Variants in GPC3 observed in about 807,000 individuals in gnomAD.
GPC3 encodes glypican-3.
Under a neutral mutation model 34.4 loss-of-function variants are expected in GPC3, and 3 were observed. That is an observed-to-expected ratio of 0.09 (90% CI 0.04 to 0.23). GPC3 has a LOEUF of 0.23. GPC3 is among the 10% of genes least tolerant of loss of function. The probability of loss-of-function intolerance (pLI) is 1.00; values close to 1 mark genes in which losing one functional copy is unlikely to be tolerated. For missense variants in GPC3, 351 were observed against 445.6 expected, an observed-to-expected ratio of 0.79 and a Z score of 1.91; for synonymous variants, 177 against 174.0, an observed-to-expected ratio of 1.02 and a Z score of -0.13.
intron 7 of GPC3, among the ~76,000 whole-genome samples, chrX:133,549,700 T>TC (rs1447152155): frequency 1.2e-5 from 1 of 80,469 alleles, no homozygotes; most frequent in Non-Finnish European, 2.3e-5. Flanking sequence ...CCTCCATCCT[T>TC]CCCCCCTCTC....
intron 2 of GPC3, among the ~76,000 whole-genome samples, chrX:133,844,999 A>T (rs185066711): frequency 1.8e-5 from 2 of 111,738 alleles, no homozygotes; most frequent in East Asian, 5.6e-4. Context: ...GGGAGGTTGT[A>T]GGTAACAGCA....
At chrX:133,957,004 C>T (rs2076419470) in intron 1 of GPC3, among the ~76,000 whole-genome samples, 3 of 111,732 alleles carry the variant, frequency 2.7e-5, no homozygotes, top group Non-Finnish European at 5.6e-5. Context: ...TATAAACTCC[C>T]ACCACCTGAA....
At chrX:133,621,296 T>A (rs995856442) in intron 6 of GPC3, among the ~76,000 whole-genome samples, 1 of 111,650 alleles carries the variant, frequency 9.0e-6, no homozygotes, top group African/African-American at 3.3e-5. Flanking sequence ...TTCATCTCAC[T>A]GGGGCTTTTC....
At chrX:133,538,828 G>GA (rs1337726240) in intron 7 of GPC3, among the ~76,000 whole-genome samples, 70 of 91,456 alleles carry the variant, frequency 7.7e-4, no homozygotes, top group African/African-American at 1.6e-3. Flanking sequence ...CCCGTCTCCA[G>GA]AAAAAAAAAA....
At chrX:133,899,675 T>C (rs1191584343) in intron 2 of GPC3, among the ~76,000 whole-genome samples, 1 of 111,550 alleles carries the variant, frequency 9.0e-6, no homozygotes, top group Admixed American at 9.6e-5. Flanking sequence ...GAATGCTCAA[T>C]AAACAGTTTA....
intron 6 of GPC3, among the ~76,000 whole-genome samples, chrX:133,610,304 T>C (rs1483231773): frequency 9.0e-6 from 1 of 111,129 alleles, no homozygotes; most frequent in Non-Finnish European, 1.9e-5. Flanking sequence ...TCCTTCCCTA[T>C]CCCACAAAAT....
chrX:133,824,757 GTCCACAAAAATTTAAAAT>G (rs943049566), intron 2 of GPC3, among the ~76,000 whole-genome samples: 1 of 110,281 alleles, frequency 9.1e-6, no homozygotes, highest in Non-Finnish European at 1.9e-5. Flanking sequence ...ATATACCTGT[GTCCACAAAAATTTAAAAT>G]TAAAAAAAAA....
chrX:133,796,101 C>T (rs773615391), intron 2 of GPC3, among the ~76,000 whole-genome samples: 2 of 109,304 alleles, frequency 1.8e-5, no homozygotes, highest in South Asian at 8.1e-4. Context: ...CCCGCCACCA[C>T]GCCCGGCTAA....
intron 2 of GPC3, among the ~76,000 whole-genome samples, chrX:133,912,372 C>T (rs1300019541): frequency 8.9e-6 from 1 of 111,990 alleles, no homozygotes. Flanking sequence ...CTAGGCAGCC[C>T]AGAGCACGCA....
intron 6 of GPC3, among the ~76,000 whole-genome samples, chrX:133,608,728 G>A (rs2070076178): frequency 9.0e-6 from 1 of 111,666 alleles, no homozygotes; most frequent in African/African-American, 3.3e-5. Flanking sequence ...TTAATGAGAT[G>A]CCTCTAGTTT....
intron 3 of GPC3, among the ~76,000 whole-genome samples, chrX:133,717,996 A>G (rs1349274764): frequency 3.6e-5 from 4 of 111,567 alleles, no homozygotes; most frequent in African/African-American, 1.3e-4. Flanking sequence ...CTGAGGTGGA[A>G]GGATTGCTTG....
chrX:133,850,862 C>G (rs774681632), intron 2 of GPC3, among the ~76,000 whole-genome samples: 12 of 109,728 alleles, frequency 1.1e-4, no homozygotes, highest in Non-Finnish European at 1.7e-4. Flanking sequence ...GAGGCCAAGG[C>G]GGGTGGATCA....
chrX:133,937,236 C>T (rs1339848171), intron 2 of GPC3, among the ~76,000 whole-genome samples: 1 of 111,112 alleles, frequency 9.0e-6, no homozygotes, highest in Admixed American at 9.6e-5. Flanking sequence ...CACCAGACTC[C>T]ACAACAGGGA....
At chrX:133,668,666 G>C (rs1357741426) in intron 5 of GPC3, among the ~76,000 whole-genome samples, 1 of 110,789 alleles carries the variant, frequency 9.0e-6, no homozygotes, top group Admixed American at 9.6e-5. Flanking sequence ...AAGAAAACAT[G>C]AACTTAATCC....
chrX:133,606,193 C>T (rs1414571775), intron 6 of GPC3, among the ~76,000 whole-genome samples: 3 of 112,161 alleles, frequency 2.7e-5, no homozygotes, highest in Non-Finnish European at 5.6e-5. Context: ...TTCAGTGGGG[C>T]TCCTTCCCCA....
intron 1 of GPC3, among the ~76,000 whole-genome samples, chrX:133,970,547 A>C (rs2124645544): frequency 9.7e-6 from 1 of 103,408 alleles, no homozygotes; most frequent in Non-Finnish European, 2.0e-5. Context: ...AAAAAAAAAT[A>C]GGAAGAAGAA....
intron 2 of GPC3, among the ~76,000 whole-genome samples, chrX:133,794,513 C>T (rs774407005): frequency 8.9e-5 from 10 of 111,785 alleles, no homozygotes; most frequent in Non-Finnish European, 1.7e-4. Context: ...ACACATTTGG[C>T]TTTGGGTGGG....
intron 2 of GPC3, among the ~76,000 whole-genome samples, chrX:133,831,464 C>T (rs901828057): frequency 8.9e-6 from 1 of 112,159 alleles, no homozygotes; most frequent in Admixed American, 9.4e-5. Flanking sequence ...GGTGTGGTGG[C>T]TCACACCTGT....
intron 7 of GPC3, among the ~76,000 whole-genome samples, chrX:133,593,924 G>A (rs755519917): frequency 1.3e-4 from 14 of 110,321 alleles, no homozygotes; most frequent in East Asian, 5.8e-4. Flanking sequence ...GATAAACCCC[G>A]TCTCTACCAA....
Sources: gnomAD v4.1 joint callset for allele counts (sites outside exome capture counted in the v4.1 genomes callset) on GRCh38, gnomAD v4.1.1 for gene constraint, MANE v1.5 for transcripts, NCBI Gene and HGNC (gene_info 2026-07-23, HGNC 2026-07-21) for gene names.